ESRRG: variants seen among roughly 807,000 people sequenced by gnomAD.
ESRRG encodes estrogen related receptor gamma.
Under a neutral mutation model 44.0 loss-of-function variants are expected in ESRRG, and 13 were observed. That is an observed-to-expected ratio of 0.30 (90% CI 0.19 to 0.47). ESRRG has a LOEUF of 0.47. Ranked by LOEUF, ESRRG falls within the 20% of genes least tolerant of loss-of-function variation. ESRRG has a pLI of 1.00. For synonymous variants in ESRRG, 215 were observed against 214.6 expected, an observed-to-expected ratio of 1.00 and a Z score of -0.02; for missense variants, 395 against 580.6, an observed-to-expected ratio of 0.68 and a Z score of 3.29.
At chr1:216,638,213 C>A (rs566096197) in intron 3 of ESRRG, among the ~76,000 whole-genome samples, 1 of 152,164 alleles carries the variant, frequency 6.6e-6, no homozygotes, top group Non-Finnish European at 1.5e-5. Flanking sequence ...GATGCTGTAC[C>A]AAGAATATTA....
intron 2 of ESRRG, among the ~76,000 whole-genome samples, chr1:216,743,201 A>G (rs1033808808): frequency 6.6e-6 from 1 of 152,206 alleles, no homozygotes; most frequent in Non-Finnish European, 1.5e-5. Context: ...CAACAATAGC[A>G]TACAATGGAA....
intron 3 of ESRRG, among the ~76,000 whole-genome samples, chr1:216,595,715 C>A (rs767152766): frequency 2.0e-5 from 3 of 152,286 alleles, no homozygotes; most frequent in Non-Finnish European, 4.4e-5. Context: ...TGTTTCCTCT[C>A]AACTTCTGAT....
At chr1:216,740,105 T>A (rs1245609737) in intron 2 of ESRRG, among the ~76,000 whole-genome samples, 1 of 152,208 alleles carries the variant, frequency 6.6e-6, no homozygotes, top group Non-Finnish European at 1.5e-5. Context: ...CTGTGCAATA[T>A]TTTTTATCTG....
At chr1:216,755,422 T>C (rs1348744922) in intron 2 of ESRRG, among the ~76,000 whole-genome samples, 2 of 152,006 alleles carry the variant, frequency 1.3e-5, no homozygotes, top group Non-Finnish European at 2.9e-5. Flanking sequence ...TTTGGTTAAA[T>C]AAATGGCTAA....
intron 4 of ESRRG, among the ~76,000 whole-genome samples, chr1:216,565,031 C>T (rs2059437342): frequency 6.6e-6 from 1 of 152,136 alleles, no homozygotes. Context: ...AAAAATACTC[C>T]TCCTTAAATG....
intron 1 of ESRRG, among the ~76,000 whole-genome samples, chr1:217,045,661 G>T (rs1412851611): frequency 6.6e-6 from 1 of 152,160 alleles, no homozygotes; most frequent in Non-Finnish European, 1.5e-5. Context: ...AGCACGTGTG[G>T]CTCTTGGCCA....
intron 1 of ESRRG, among the ~76,000 whole-genome samples, chr1:216,944,588 A>G (rs569000039): frequency 1.4e-4 from 22 of 152,242 alleles, no homozygotes; most frequent in African/African-American, 4.1e-4. Context: ...AAAGAAGGCT[A>G]TGTTGATGAA....
intron 2 of ESRRG, among the ~76,000 whole-genome samples, chr1:216,749,450 T>C (rs2091789252): frequency 6.6e-6 from 1 of 152,158 alleles, no homozygotes; most frequent in Non-Finnish European, 1.5e-5. Flanking sequence ...GGGAATACGC[T>C]GTGTGTGGGT....
chr1:216,507,110 A>G lies in ESRRG; in HGVS notation c.1206T>C (p.Tyr402=), dbSNP rs935648621. The part of the protein sequence containing the change: ...QDVLHEALQD[Y]EAGQHMEDPR... Reference sequence around the variant, plus strand: ...GGTCTTCCATGTGCTGGCCAGCTTCATAATCCTGCAGCGCTTCATGTAAGA... The same window carrying G: ...GGTCTTCCATGTGCTGGCCAGCTTCGTAATCCTGCAGCGCTTCATGTAAGA... Residue 402 remains tyrosine, a synonymous_variant, in exon 7 of 7, where the codon TAT becomes TAC. Transcript: ENST00000408911. 1.9e-6 allele frequency: 3 copies of G among 1,613,964 alleles called. No individual in the cohort carries two copies. The highest frequency in any genetic ancestry group is 2.5e-6 in the Non-Finnish European group (3 of 1,180,000).
intron 2 of ESRRG, among the ~76,000 whole-genome samples, chr1:216,794,038 T>G (rs933987068): frequency 6.6e-6 from 1 of 152,018 alleles, no homozygotes; most frequent in Non-Finnish European, 1.5e-5. Context: ...GAGATCACTT[T>G]TCAGAAGGTC....
At chr1:216,642,255 CATT>C (rs2066584278) in intron 3 of ESRRG, among the ~76,000 whole-genome samples, 1 of 152,026 alleles carries the variant, frequency 6.6e-6, no homozygotes, top group Non-Finnish European at 1.5e-5. Flanking sequence ...CCACTGAGGT[CATT>C]ATAAAGATTA....
intron 1 of ESRRG, among the ~76,000 whole-genome samples, chr1:216,711,405 CA>C (rs1559356902): frequency 2.0e-5 from 3 of 152,164 alleles, no homozygotes; most frequent in African/African-American, 4.8e-5. Flanking sequence ...GGGGGAAATA[CA>C]AAAAGCACTA....
chr1:217,081,221 C>CCTTTT (rs750003890), intron 1 of ESRRG, among the ~76,000 whole-genome samples: 6 of 70,416 alleles, frequency 8.5e-5, no homozygotes, highest in African/African-American at 3.6e-4. Context: ...TAAAAATATT[C>CCTTTT]TTTTTTTTTT....
Position 216,837,420 on chromosome 1 carries a change from A to AAAAAAAT in ESRRG, c.-14+102161_-14+102162insATTTTTT, listed in dbSNP as rs5780932. 2.8e-3 allele frequency among the ~76,000 whole-genome samples: 424 copies of AAAAAAAT among 151,028 alleles called. 3 individuals are homozygous for AAAAAAAT. The highest frequency in any genetic ancestry group is 9.7e-3 in the African/African-American group (392 of 40,566). On this transcript the variant is annotated intron_variant, in intron 2 of 7. Coordinates refer to the ESRRG transcript ENST00000359162. ...AGCAAGACTCCGTATCAAAAAAAAA[A>AAAAAAAT]TACAACTTTTTCCATAGAAATCTCC...
chr1:216,665,500 T>A (rs2073688874), intron 2 of ESRRG, among the ~76,000 whole-genome samples: 1 of 152,014 alleles, frequency 6.6e-6, no homozygotes, highest in Non-Finnish European at 1.5e-5. Context: ...GCCAAACTCA[T>A]AGAAACAGAA....
intron 3 of ESRRG, among the ~76,000 whole-genome samples, chr1:216,603,242 T>C (rs1331948232): frequency 6.6e-6 from 1 of 152,202 alleles, no homozygotes; most frequent in Non-Finnish European, 1.5e-5. Flanking sequence ...TTTTTAACAA[T>C]AAACTCCTTA....
chr1:216,638,228 T>A (rs1481227853), intron 3 of ESRRG, among the ~76,000 whole-genome samples: 1 of 152,194 alleles, frequency 6.6e-6, no homozygotes. Context: ...ATATTACATA[T>A]ATTATCTCAT....
At chr1:217,014,190 G>A (rs2079023291) in intron 1 of ESRRG, among the ~76,000 whole-genome samples, 2 of 151,986 alleles carry the variant, frequency 1.3e-5, no homozygotes, top group South Asian at 4.1e-4. Flanking sequence ...ACCTGCATAA[G>A]ACTTTTGACA....
At chr1:216,558,872 T>TTTTTG (rs2058130466) in intron 5 of ESRRG, among the ~76,000 whole-genome samples, 1 of 151,328 alleles carries the variant, frequency 6.6e-6, no homozygotes, top group African/African-American at 2.5e-5. Flanking sequence ...TGTTTTTTGT[T>TTTTTG]TTTTTGTTTT....
Sources: allele counts gnomAD v4.1 joint callset (sites outside exome capture counted in the v4.1 genomes callset), GRCh38; gene constraint gnomAD v4.1.1; transcripts MANE v1.5; gene names NCBI Gene and HGNC (gene_info 2026-07-23, HGNC 2026-07-21).